TSPAN11: variants seen among roughly 807,000 people sequenced by gnomAD.
The protein encoded by TSPAN11 is tetraspanin-11.
TSPAN11 carries 29 observed loss-of-function variants against 32.9 expected under a neutral mutation model. That is an observed-to-expected ratio of 0.88 (90% CI 0.66 to 1.20). The LOEUF (loss-of-function observed/expected upper bound fraction) is 1.20. TSPAN11 is among the 50% of genes most tolerant of loss of function. The probability of loss-of-function intolerance (pLI) is 0.00; values close to 1 mark genes in which losing one functional copy is unlikely to be tolerated. For synonymous variants in TSPAN11, 140 were observed against 141.3 expected (o/e 0.99, Z 0.07); for missense variants, 283 against 329.1 (o/e 0.86, Z 1.08).
the TSPAN11 span, among the ~76,000 whole-genome samples, chr12:31,008,446 T>C: frequency 6.6e-6 from 1 of 152,206 alleles, no homozygotes; most frequent in Non-Finnish European, 1.5e-5. Flanking sequence ...AGCCCCAGGC[T>C]AAATGCGCTA....
At chr12:30,954,251 A>G (rs1249722060) in intron 2 of TSPAN11, 176 bp downstream of exon 2, 7 of 626,626 alleles carry the variant, frequency 1.1e-5, no homozygotes, top group Non-Finnish European at 2.0e-5. Context: ...ACTGAGAAAG[A>G]AGAAAAGAAT....
chr12:30,958,129 A>G (rs1333878958), intron 2 of TSPAN11, among the ~76,000 whole-genome samples: 1 of 152,022 alleles, frequency 6.6e-6, no homozygotes, highest in Non-Finnish European at 1.5e-5. Flanking sequence ...GAAGATGAAC[A>G]GGTGATCTCA....
At chr12:31,003,337 C>G in the TSPAN11 span, among the ~76,000 whole-genome samples, 3 of 152,200 alleles carry the variant, frequency 2.0e-5, 1 homozygote, top group South Asian at 6.2e-4. Context: ...ATGGAGACTT[C>G]CACCTAATGT....
chr12:30,927,205 C>A (rs1592454040), intron 1 of TSPAN11, among the ~76,000 whole-genome samples: 1 of 152,260 alleles, frequency 6.6e-6, no homozygotes. Context: ...CTCATGGCTA[C>A]ACCAAAATGC....
Position 30,988,590 on chromosome 12 carries a change from A to AAAAAC in TSPAN11, c.703-3256_703-3252dup, listed in dbSNP as rs577258787. On this transcript the variant is annotated intron_variant, in intron 7 of 7. Coordinates refer to ENST00000546076, the MANE Select transcript of TSPAN11 (RefSeq NM_001370302.1). ...GGGCGACAAAGCAAGACTCCATCTA[A>AAAAAC]AAAACAAAACAAAAAAAAAACCACA... The AAAAAC allele has an allele frequency of 3.5e-4, 54 of 152,346 alleles. No homozygotes were observed. The South Asian group carries it at 0.01, about 29-fold the overall frequency. 9.4% of individuals were successfully genotyped at this position (152,346 alleles called of 1,614,324 possible).
intron 7 of TSPAN11, among the ~76,000 whole-genome samples, chr12:30,983,469 C>T (rs577705720): frequency 6.6e-6 from 1 of 152,224 alleles, no homozygotes; most frequent in East Asian, 1.9e-4. Flanking sequence ...GCGTGCAAGC[C>T]ATCTGTGGTA....
the TSPAN11 span, among the ~76,000 whole-genome samples, chr12:31,008,437 GC>G: frequency 1.3e-5 from 2 of 152,186 alleles, no homozygotes; most frequent in African/African-American, 2.4e-5. Flanking sequence ...GGTGCCTGCA[GC>G]CCCAGGCTAA....
Position 30,983,108 on chromosome 12 carries a change from G to A in TSPAN11, c.660G>A (p.Leu220=). 6.2e-7 allele frequency: 1 copy of A among 1,613,328 alleles called. No individual in the cohort carries two copies. Among genetic ancestry groups the A allele is most frequent in the Non-Finnish European group, 8.5e-7 (1 of 1,179,954 alleles). The part of the protein sequence containing the change: ...TKLEQFLADH[L]LLMGAVGIGV... ...TGGAGCAGTTCCTGGCCGACCACCTGCTGCTTATGGGGGCAGTGGGCATCG... is the reference window on the plus strand; with the variant it reads ...TGGAGCAGTTCCTGGCCGACCACCTACTGCTTATGGGGGCAGTGGGCATCG... The change falls in exon 7 of 8, where the codon CTG becomes CTA. Residue 220 remains leucine (L), a synonymous_variant. Transcript: ENST00000546076.
downstream of TSPAN11, among the ~76,000 whole-genome samples, chr12:31,001,028 G>A (rs756993612): frequency 3.9e-5 from 6 of 152,180 alleles, no homozygotes; most frequent in South Asian, 4.2e-4. Context: ...TCACTGCAGC[G>A]CCTGTGCCTG....
At chr12:31,005,980 A>G in the TSPAN11 span, 4 of 153,102 alleles carry the variant, frequency 2.6e-5, no homozygotes, top group Non-Finnish European at 4.4e-5. Context: ...TGTGGTGGGA[A>G]AATGTCCATG....
At chr12:30,966,441 C>A (rs1202127059) in intron 3 of TSPAN11, among the ~76,000 whole-genome samples, 2 of 152,220 alleles carry the variant, frequency 1.3e-5, no homozygotes, top group African/African-American at 4.8e-5. Flanking sequence ...ATACACACTG[C>A]TGGTGAGTGG....
At chr12:30,966,009 AT>A (rs945072878) in intron 3 of TSPAN11, among the ~76,000 whole-genome samples, 1 of 133,778 alleles carries the variant, frequency 7.5e-6, no homozygotes, top group African/African-American at 2.7e-5. Context: ...ACATTATGAG[AT>A]TTTTTTTGTG....
rs546803427 is a variant in TSPAN11, at chr12:30,932,955, G to A, written c.-12+6159G>A. On this transcript the variant is annotated intron_variant, in intron 1 of 7. Transcript: ENST00000546076. The stretch of plus-strand genomic sequence containing the variant: ...ACGCTGCCTTTCTGATTCCCAGTGG[G>A]CAGGTTGTAAATGTCCTTAAGCATG... Among the ~76,000 whole-genome samples the A allele has an allele frequency of 7.2e-5, 11 of 152,292 alleles. 1 individual carries two copies. The South Asian group carries it at 1.5e-3, about 20-fold the overall frequency.
intron 6 of TSPAN11, 76 bp downstream of exon 6, chr12:30,982,766 T>G (rs1939120757): frequency 1.3e-6 from 2 of 1,491,432 alleles, no homozygotes; most frequent in Non-Finnish European, 1.8e-6. Flanking sequence ...AAAGGCTGGG[T>G]CAGGCAGGTG....
intron 1 of TSPAN11, among the ~76,000 whole-genome samples, chr12:30,941,136 A>G (rs1938154779): frequency 6.6e-6 from 1 of 152,228 alleles, no homozygotes; most frequent in Admixed American, 6.5e-5. Context: ...GTCCACCTAT[A>G]CGTGCATATT....
intron 1 of TSPAN11, among the ~76,000 whole-genome samples, chr12:30,950,636 A>T (rs962834777): frequency 1.3e-5 from 2 of 152,160 alleles, no homozygotes; most frequent in Non-Finnish European, 2.9e-5. Flanking sequence ...TCTTTCTCTC[A>T]TGTACACTCA....
intron 1 of TSPAN11, among the ~76,000 whole-genome samples, chr12:30,946,130 T>G (rs1215350027): frequency 1.3e-5 from 2 of 152,126 alleles, no homozygotes; most frequent in African/African-American, 4.8e-5. Context: ...ATTCAAAGTG[T>G]GGTTCCGAGA....
At chr12:30,951,463 G>A (rs538952351) in intron 1 of TSPAN11, among the ~76,000 whole-genome samples, 1 of 152,302 alleles carries the variant, frequency 6.6e-6, no homozygotes, top group South Asian at 2.1e-4. Context: ...AAAAGCTTGA[G>A]CCCAGAGGCA....
intron 1 of TSPAN11, among the ~76,000 whole-genome samples, chr12:30,940,244 G>A (rs1938133363): frequency 6.6e-6 from 1 of 152,190 alleles, no homozygotes; most frequent in Non-Finnish European, 1.5e-5. Flanking sequence ...TGAGTGGGAT[G>A]AGAAATATTT....
Sources: gnomAD v4.1 joint callset for allele counts (sites outside exome capture counted in the v4.1 genomes callset) on GRCh38, gnomAD v4.1.1 for gene constraint, MANE v1.5 for transcripts, NCBI Gene and HGNC (gene_info 2026-07-23, HGNC 2026-07-21) for gene names.